ACTR3C: variants seen among roughly 807,000 people sequenced by gnomAD.
ACTR3C encodes the protein actin related protein 3C.
ACTR3C carries 18 observed loss-of-function variants against 26.3 expected under a neutral mutation model. The ratio of observed to expected loss-of-function variants is 0.68; its 90% CI spans 0.47 to 1.01. The LOEUF (loss-of-function observed/expected upper bound fraction) is 1.01. Among genes scored for constraint, ACTR3C ranks in the 50% least tolerant of loss-of-function variants. The pLI is 0.00. For synonymous variants in ACTR3C, 55 were observed against 94.5 expected (o/e 0.58, Z 2.42); for missense variants, 184 against 250.7 (o/e 0.73, Z 1.80).
chr7:150,227,698 T>TTG, the ACTR3C span, among the ~76,000 whole-genome samples: 1 of 126,128 alleles, frequency 7.9e-6, no homozygotes, highest in African/African-American at 4.0e-5. Flanking sequence ...GTTTTTTTTT[T>TTG]TTGTTTTTTT....
the ACTR3C span, among the ~76,000 whole-genome samples, chr7:150,035,849 C>A: frequency 1.8e-3 from 227 of 125,704 alleles, 22 homozygotes; most frequent in South Asian, 0.05. Context: ...CCTCTCCCCC[C>A]CTGCGATGGG....
the ACTR3C span, among the ~76,000 whole-genome samples, chr7:150,036,398 T>C: frequency 1.2e-4 from 17 of 147,248 alleles, no homozygotes; most frequent in African/African-American, 3.7e-4. Flanking sequence ...CAGTTTGGGT[T>C]AAAAGTCCAG....
At chr7:150,057,181 T>C in the ACTR3C span, among the ~76,000 whole-genome samples, 2 of 151,146 alleles carry the variant, frequency 1.3e-5, no homozygotes, top group Non-Finnish European at 2.9e-5. Context: ...TATTCCAAGA[T>C]AAAACACAAG....
At chr7:150,131,134 C>T in the ACTR3C span, among the ~76,000 whole-genome samples, 1 of 152,200 alleles carries the variant, frequency 6.6e-6, no homozygotes, top group Non-Finnish European at 1.5e-5. Flanking sequence ...CATACTGTAT[C>T]TCAATAAAGA....
At chr7:150,148,247 T>C in the ACTR3C span, among the ~76,000 whole-genome samples, 147 of 149,524 alleles carry the variant, frequency 9.8e-4, no homozygotes, top group Non-Finnish European at 1.7e-3. Context: ...GGGAGGCTGA[T>C]GAGGGCGGAT....
chr7:150,035,724 G>T, the ACTR3C span, among the ~76,000 whole-genome samples: 1 of 139,678 alleles, frequency 7.2e-6, no homozygotes, highest in Non-Finnish European at 1.6e-5. Flanking sequence ...GGGTGAAGAT[G>T]GTCTGGCTCT....
chr7:149,911,696 T>C, the ACTR3C span, among the ~76,000 whole-genome samples: 1 of 151,664 alleles, frequency 6.6e-6, no homozygotes, highest in Non-Finnish European at 1.5e-5. Context: ...GAAACGAATA[T>C]GGTAAAAATT....
At chr7:149,928,381 CTTT>C in the ACTR3C span, among the ~76,000 whole-genome samples, 15 of 106,818 alleles carry the variant, frequency 1.4e-4, no homozygotes, top group African/African-American at 2.4e-4. Context: ...TTTTGTATTT[CTTT>C]TTTTTTTTTT....
chr7:150,032,785 C>T, the ACTR3C span, among the ~76,000 whole-genome samples: 7 of 152,116 alleles, frequency 4.6e-5, no homozygotes, highest in Non-Finnish European at 8.8e-5. Flanking sequence ...GTTTGCTATA[C>T]AATTTGTGCC....
chr7:149,900,033 A>G, the ACTR3C span, among the ~76,000 whole-genome samples: 1 of 129,556 alleles, frequency 7.7e-6, no homozygotes, highest in Admixed American at 8.0e-5. Context: ...TGTTCAGCAA[A>G]AATATCCCCT....
the ACTR3C span, among the ~76,000 whole-genome samples, chr7:150,007,696 G>T: frequency 6.6e-6 from 1 of 151,888 alleles, no homozygotes; most frequent in Non-Finnish European, 1.5e-5. Context: ...GGTCACGGAT[G>T]TTGTCAGTCA....
At chr7:150,216,916 G>A in the ACTR3C span, among the ~76,000 whole-genome samples, 4 of 147,354 alleles carry the variant, frequency 2.7e-5, no homozygotes, top group East Asian at 2.0e-4. Flanking sequence ...AACCTGGGAG[G>A]TGGAGGATGC....
At chr7:149,916,883 A>C in the ACTR3C span, among the ~76,000 whole-genome samples, 8 of 152,118 alleles carry the variant, frequency 5.3e-5, no homozygotes, top group African/African-American at 9.7e-5. Flanking sequence ...AGCTGCATAA[A>C]GCACTACCAA....
the ACTR3C span, among the ~76,000 whole-genome samples, chr7:150,022,556 C>G: frequency 6.6e-6 from 1 of 152,068 alleles, no homozygotes; most frequent in South Asian, 2.1e-4. Context: ...ACTCCCCTCC[C>G]TGCTGTGGCT....
chr7:150,158,980 C>CACACAGGCAT, the ACTR3C span, among the ~76,000 whole-genome samples: 2 of 148,516 alleles, frequency 1.3e-5, no homozygotes, highest in African/African-American at 2.5e-5. Context: ...CACACAGGCA[C>CACACAGGCAT]GCACACACGC....
chr7:150,097,108 G>A, the ACTR3C span, among the ~76,000 whole-genome samples: 1 of 151,938 alleles, frequency 6.6e-6, no homozygotes. Context: ...TTCATAACAT[G>A]ATGCTGTCTT....
chr7:150,267,128 C>T (rs973983142), intron 6 of ACTR3C, among the ~76,000 whole-genome samples: 22 of 152,156 alleles, frequency 1.4e-4, no homozygotes, highest in African/African-American at 4.8e-4. Context: ...CACAGTCGCT[C>T]GCTGAGGCGC....
chr7:149,901,413 C>T, the ACTR3C span, among the ~76,000 whole-genome samples: 122,899 of 146,662 alleles, frequency 0.84, 53,389 homozygotes, highest in East Asian at 1. Flanking sequence ...CTGGTTATAA[C>T]ATTGCACTAC....
At chr7:150,042,617 CA>C in the ACTR3C span, among the ~76,000 whole-genome samples, 1 of 150,398 alleles carries the variant, frequency 6.6e-6, no homozygotes, top group Non-Finnish European at 1.5e-5. Context: ...TCCCAAGAGC[CA>C]GGGGGTAAGA....
Sources: gnomAD v4.1 joint callset for allele counts (sites outside exome capture counted in the v4.1 genomes callset) on GRCh38, gnomAD v4.1.1 for gene constraint, MANE v1.5 for transcripts, NCBI Gene and HGNC (gene_info 2026-07-23, HGNC 2026-07-21) for gene names.